Variants in SCHIP1 observed in about 807,000 individuals in gnomAD.
SCHIP1 encodes the protein schwannomin-interacting protein 1.
Under a neutral mutation model 29.7 loss-of-function variants are expected in SCHIP1, and 8 were observed. The ratio of observed to expected loss-of-function variants is 0.27; its 90% confidence interval spans 0.16 to 0.49. SCHIP1 has a LOEUF of 0.49. Among genes scored for constraint, SCHIP1 ranks in the 20% least tolerant of loss-of-function variants. SCHIP1 has a pLI of 0.99. For synonymous variants in SCHIP1, 76 were observed against 94.9 expected (o/e 0.80, Z 1.16); for missense variants, 193 against 294.6 (o/e 0.66, Z 2.52).
chr3:159,479,817 G>A, the SCHIP1 span, among the ~76,000 whole-genome samples: 3 of 152,114 alleles, frequency 2.0e-5, no homozygotes, highest in African/African-American at 7.2e-5. Flanking sequence ...TGTTGTTTGT[G>A]AACTAATATG....
the SCHIP1 span, among the ~76,000 whole-genome samples, chr3:159,710,482 G>A: frequency 6.6e-6 from 1 of 152,090 alleles, no homozygotes; most frequent in Non-Finnish European, 1.5e-5. Flanking sequence ...ATTGCACAAG[G>A]TAACTATAGT....
At chr3:159,584,643 G>A in the SCHIP1 span, among the ~76,000 whole-genome samples, 1 of 152,094 alleles carries the variant, frequency 6.6e-6, no homozygotes, top group Non-Finnish European at 1.5e-5. Flanking sequence ...GTATCATTGT[G>A]TAACTATGTA....
chr3:159,702,502 C>T, the SCHIP1 span, among the ~76,000 whole-genome samples: 1 of 152,202 alleles, frequency 6.6e-6, no homozygotes, highest in Non-Finnish European at 1.5e-5. Flanking sequence ...AATTAAGACC[C>T]TCTGGCCATC....
chr3:159,672,843 G>C, the SCHIP1 span, among the ~76,000 whole-genome samples: 10,627 of 152,154 alleles, frequency 0.07, 733 homozygotes, highest in African/African-American at 0.18. Flanking sequence ...TATAAGTAAA[G>C]GTAAATGAAA....
intron 2 of SCHIP1, among the ~76,000 whole-genome samples, chr3:159,875,340 A>C (rs1467987658): frequency 6.6e-6 from 1 of 152,224 alleles, no homozygotes; most frequent in Non-Finnish European, 1.5e-5. Flanking sequence ...TGCTAGAGGC[A>C]TAACCAGCTG....
At chr3:159,397,633 GGGGGTCA>G in the SCHIP1 span, among the ~76,000 whole-genome samples, 38 of 152,282 alleles carry the variant, frequency 2.5e-4, no homozygotes, top group African/African-American at 4.8e-4. Context: ...TAGGCTGCTT[GGGGGTCA>G]GGGGTCAGGG....
the SCHIP1 span, among the ~76,000 whole-genome samples, chr3:159,496,632 T>C: frequency 4.6e-5 from 7 of 152,132 alleles, no homozygotes; most frequent in African/African-American, 1.7e-4. Flanking sequence ...TGTGGAGAAA[T>C]AGGAACACTT....
the SCHIP1 span, among the ~76,000 whole-genome samples, chr3:159,658,444 A>T: frequency 6.6e-6 from 1 of 152,342 alleles, no homozygotes; most frequent in Non-Finnish European, 1.5e-5. Context: ...ATTCTTATGC[A>T]TATTAAAGTT....
At chr3:159,870,123 AGTT>A (rs1435630576) in intron 2 of SCHIP1, among the ~76,000 whole-genome samples, 1 of 151,948 alleles carries the variant, frequency 6.6e-6, no homozygotes, top group Non-Finnish European at 1.5e-5. Context: ...TTTCTAATAA[AGTT>A]GTCTGTAGAT....
At chr3:159,384,974 T>C in the SCHIP1 span, among the ~76,000 whole-genome samples, 1 of 152,210 alleles carries the variant, frequency 6.6e-6, no homozygotes, top group Non-Finnish European at 1.5e-5. Context: ...TTATCATTTT[T>C]TATTGCATCT....
the SCHIP1 span, among the ~76,000 whole-genome samples, chr3:159,757,123 C>T: frequency 7.5e-4 from 115 of 152,348 alleles, no homozygotes; most frequent in African/African-American, 2.6e-3. Context: ...TAGCACCCCA[C>T]TCTACTGGTA....
At chr3:159,736,925 G>A in the SCHIP1 span, among the ~76,000 whole-genome samples, 4 of 152,004 alleles carry the variant, frequency 2.6e-5, no homozygotes, top group East Asian at 7.8e-4. Context: ...TAGTAGAGAC[G>A]GGGTTTCACC....
the SCHIP1 span, among the ~76,000 whole-genome samples, chr3:159,779,993 G>C: frequency 6.6e-6 from 1 of 152,044 alleles, no homozygotes; most frequent in African/African-American, 2.4e-5. Flanking sequence ...ATGGGTTTTG[G>C]TACCCAGCAT....
At chr3:159,697,255 G>A in the SCHIP1 span, among the ~76,000 whole-genome samples, 1 of 152,192 alleles carries the variant, frequency 6.6e-6, no homozygotes, top group African/African-American at 2.4e-5. Flanking sequence ...AAAGACATGA[G>A]GGAGAAGAAA....
At chr3:159,722,377 G>A in the SCHIP1 span, 1,400 of 153,418 alleles carry the variant, frequency 9.1e-3, 14 homozygotes, top group Non-Finnish European at 0.013. Context: ...GGCACCAATA[G>A]AAAGTCTTCT....
the SCHIP1 span, among the ~76,000 whole-genome samples, chr3:159,374,112 C>T: frequency 6.6e-6 from 1 of 152,000 alleles, no homozygotes; most frequent in Admixed American, 6.6e-5. Context: ...CATAGCTTTA[C>T]ACATTTTTAA....
the SCHIP1 span, among the ~76,000 whole-genome samples, chr3:159,788,853 C>T: frequency 6.6e-6 from 1 of 152,048 alleles, no homozygotes; most frequent in Non-Finnish European, 1.5e-5. Context: ...ATTCACCTTA[C>T]ATATATATAA....
chr3:159,307,756 G>A, the SCHIP1 span, among the ~76,000 whole-genome samples: 3 of 152,084 alleles, frequency 2.0e-5, no homozygotes, highest in African/African-American at 7.2e-5. Context: ...TGTATATGGT[G>A]GAAGGTAGGG....
chr3:159,299,466 G>A, the SCHIP1 span, among the ~76,000 whole-genome samples: 5 of 152,134 alleles, frequency 3.3e-5, no homozygotes, highest in African/African-American at 1.2e-4. Flanking sequence ...CAACAAAAAA[G>A]TGAGGCAAGA....
Sources: gnomAD v4.1 joint callset for allele counts (sites outside exome capture counted in the v4.1 genomes callset) on GRCh38, gnomAD v4.1.1 for gene constraint, MANE v1.5 for transcripts, NCBI Gene and HGNC (gene_info 2026-07-23, HGNC 2026-07-21) for gene names.